Variants in SIDT1 observed in about 807,000 individuals in gnomAD.
SIDT1 encodes SID1 transmembrane family, member 1.
SIDT1 carries 101 observed loss-of-function variants against 107.5 expected under a neutral mutation model. The observed-to-expected ratio is 0.94, with a 90% CI of 0.80 to 1.11. The LOEUF (loss-of-function observed/expected upper bound fraction) is 1.11. Ranked by LOEUF, SIDT1 falls within the 50% of genes least tolerant of loss-of-function variation. SIDT1 has a pLI of 0.00. For synonymous variants in SIDT1, 395 were observed against 398.2 expected, an observed-to-expected ratio of 0.99 and a Z score of 0.10; for missense variants, 1,076 against 1,058.2, an observed-to-expected ratio of 1.02 and a Z score of -0.23.
At chr3:113,545,140 A>AC (rs1257466558) in intron 1 of SIDT1, among the ~76,000 whole-genome samples, 3 of 150,230 alleles carry the variant, frequency 2.0e-5, no homozygotes, top group African/African-American at 7.3e-5. Flanking sequence ...AAAAAAAAAA[A>AC]AGTCATTCGT....
chr3:113,632,008 A>C (rs1393801307), downstream of SIDT1, among the ~76,000 whole-genome samples: 1 of 152,132 alleles, frequency 6.6e-6, no homozygotes, highest in East Asian at 1.9e-4. Context: ...TCTACCTTTA[A>C]GTCCCTGTCA....
At chr3:113,574,242 G>T (rs1039976490) in intron 3 of SIDT1, among the ~76,000 whole-genome samples, 2 of 152,154 alleles carry the variant, frequency 1.3e-5, no homozygotes, top group Admixed American at 6.5e-5. Flanking sequence ...ACATGAGTGC[G>T]GAGTTTATAC....
At chr3:113,570,396 G>A (rs1324521522) in intron 3 of SIDT1, among the ~76,000 whole-genome samples, 1 of 152,220 alleles carries the variant, frequency 6.6e-6, no homozygotes, top group Non-Finnish European at 1.5e-5. Flanking sequence ...TCACCTGGTA[G>A]CAGTGGCAGT....
intron 1 of SIDT1, among the ~76,000 whole-genome samples, chr3:113,561,108 C>T (rs1941389118): frequency 6.6e-6 from 1 of 152,138 alleles, no homozygotes; most frequent in Non-Finnish European, 1.5e-5. Context: ...TGTCAGGGCC[C>T]ATTAAGCATG....
In SIDT1 at chr3:113,626,141, A is replaced by C; in HGVS notation, c.2347A>C (p.Ile783Leu). The C allele has an allele frequency of 6.2e-7, 1 of 1,614,076 alleles. No individual in the cohort carries two copies. Among genetic ancestry groups the C allele is most frequent in the Non-Finnish European group, 8.5e-7 (1 of 1,179,990 alleles). The change falls in exon 24 of 25, where the codon ATT becomes CTT. Residue 783 changes from isoleucine (I) to leucine (L), a missense_variant. Transcript: ENST00000264852. ...AESREKNREC[I>L]LLDFFDDHDI... is the part of the protein sequence containing the mutation. Reference sequence around the variant, plus strand: ...ATCCCGGGAGAAGAACCGCGAGTGCATTCTGCTGGATTTCTTCGATGACCA... The same window carrying C: ...ATCCCGGGAGAAGAACCGCGAGTGCCTTCTGCTGGATTTCTTCGATGACCA...
rs1471142547 is a variant in SIDT1, at chr3:113,576,213, G to T, written c.516-709G>T. Among the ~76,000 whole-genome samples, 4 of 152,144 alleles carry T rather than the reference G, an allele frequency of 2.6e-5. No homozygotes were observed. In the East Asian group the frequency reaches 7.7e-4, roughly 29 times the overall value. ...TAGATCATTGCTGTCTTACATGGAA[G>T]AATGAAAGTATCTAATAATGTAATT... On this transcript the variant is annotated intron_variant, in intron 3 of 24. Transcript: ENST00000264852.
intron 1 of SIDT1, among the ~76,000 whole-genome samples, chr3:113,541,449 C>T (rs866227076): frequency 6.6e-6 from 1 of 152,178 alleles, no homozygotes; most frequent in Non-Finnish European, 1.5e-5. Context: ...AGATTACAGG[C>T]GTCAGCCTCC....
intron 10 of SIDT1, among the ~76,000 whole-genome samples, chr3:113,597,493 C>A (rs1944651231): frequency 3.2e-5 from 2 of 62,518 alleles, no homozygotes. Flanking sequence ...GAGACTCCAT[C>A]TCAAAAAAAA....
intron 15 of SIDT1, among the ~76,000 whole-genome samples, chr3:113,607,319 G>A (rs1266586667): frequency 6.6e-6 from 1 of 152,200 alleles, no homozygotes; most frequent in Non-Finnish European, 1.5e-5. Flanking sequence ...TTAGCATACT[G>A]CCTGCTGAGA....
At chr3:113,617,142 C>G (rs938095355) in intron 20 of SIDT1, among the ~76,000 whole-genome samples, 2 of 152,168 alleles carry the variant, frequency 1.3e-5, no homozygotes, top group African/African-American at 4.8e-5. Flanking sequence ...ACCAGGACAG[C>G]AGGTGTAAAC....
rs1945696409 is a variant in SIDT1, at chr3:113,611,040, T to C, written c.1753T>C (p.Cys585Arg). ...CTTCATGTACATGATCGCTGGCCTG[T>C]GCATGCTGAAGCTCTATCAGACCCG... The part of the protein sequence containing the change: ...TSFMYMIAGL[C>R]MLKLYQTRHP... Residue 585 changes from cysteine to arginine, a missense_variant, in exon 18 of 25, where the codon TGC becomes CGC. Physicochemically the swap from Cys to Arg is radical, Grantham distance 180. Coordinates refer to ENST00000264852, the MANE Select transcript of SIDT1 (RefSeq NM_017699.3). 1.2e-6 allele frequency: 2 copies of C among 1,613,986 alleles called. No individual in the cohort carries two copies.
intron 13 of SIDT1, among the ~76,000 whole-genome samples, chr3:113,604,701 C>G (rs1945195329): frequency 1.3e-5 from 2 of 152,100 alleles, no homozygotes; most frequent in Non-Finnish European, 2.9e-5. Flanking sequence ...TCTTTAATTC[C>G]CCTTTAGACA....
chr3:113,622,296 C>A (rs1166978992), intron 21 of SIDT1, among the ~76,000 whole-genome samples: 1 of 151,714 alleles, frequency 6.6e-6, no homozygotes, highest in Non-Finnish European at 1.5e-5. Context: ...AACCCCGTCT[C>A]TACTAAAAAT....
At chr3:113,573,022 T>C (rs990424063) in intron 3 of SIDT1, among the ~76,000 whole-genome samples, 1 of 151,542 alleles carries the variant, frequency 6.6e-6, no homozygotes, top group Non-Finnish European at 1.5e-5. Flanking sequence ...CTCTTAATGA[T>C]GCTGTACTGA....
At chr3:113,620,202 G>GTGTGTGTT (rs1946373599) in intron 21 of SIDT1, among the ~76,000 whole-genome samples, 1 of 151,688 alleles carries the variant, frequency 6.6e-6, no homozygotes, top group Non-Finnish European at 1.5e-5. Flanking sequence ...ATGTGTGTGT[G>GTGTGTGTT]TGTGTGTGTG....
chr3:113,605,122 C>CACT, intron 14 of SIDT1, 146 bp downstream of exon 14: 2 of 306,998 alleles, frequency 6.5e-6, no homozygotes, highest in Non-Finnish European at 1.1e-5. Flanking sequence ...CTATTGCTTC[C>CACT]TCTTTTTTTT....
chr3:113,633,703 A>G (rs756172545), downstream of SIDT1, among the ~76,000 whole-genome samples: 2 of 152,240 alleles, frequency 1.3e-5, no homozygotes, highest in Non-Finnish European at 2.9e-5. Flanking sequence ...ATTGGGTAGT[A>G]GTGTTGATGA....
intron 10 of SIDT1, among the ~76,000 whole-genome samples, chr3:113,599,525 T>C (rs2252142): frequency 1 from 152,395 of 152,400 alleles, 76,195 homozygotes; most frequent in Non-Finnish European, 1. Context: ...TTTTGTCTAA[T>C]ACAACAGAAG....
intron 20 of SIDT1, among the ~76,000 whole-genome samples, chr3:113,618,184 A>G (rs1946234235): frequency 6.6e-6 from 1 of 152,136 alleles, no homozygotes; most frequent in Non-Finnish European, 1.5e-5. Flanking sequence ...GTATATAGCC[A>G]TTTCATACTG....
Sources: gnomAD v4.1 joint callset for allele counts (sites outside exome capture counted in the v4.1 genomes callset) on GRCh38, gnomAD v4.1.1 for gene constraint, MANE v1.5 for transcripts, NCBI Gene and HGNC (gene_info 2026-07-23, HGNC 2026-07-21) for gene names.